Variants in ECE1 observed in about 807,000 individuals in gnomAD.
ECE1 encodes the protein endothelin converting enzyme 1.
Under a neutral mutation model 98.6 loss-of-function variants are expected in ECE1, and 35 were observed. That is an observed-to-expected ratio of 0.35 (90% confidence interval 0.27 to 0.47). The LOEUF (loss-of-function observed/expected upper bound fraction) is 0.47. ECE1 is among the 20% of genes least tolerant of loss of function. ECE1 has a pLI of 1.00. For synonymous variants in ECE1, 394 were observed against 407.1 expected (o/e 0.97, Z 0.39); for missense variants, 814 against 1,025.3 (o/e 0.79, Z 2.81).
chr1:21,300,992 TAGC>T (rs1299517172), intron 1 of ECE1, among the ~76,000 whole-genome samples: 1 of 152,194 alleles, frequency 6.6e-6, no homozygotes. Flanking sequence ...ACTTGCTCCC[TAGC>T]ACTCATGTCC....
intron 10 of ECE1, among the ~76,000 whole-genome samples, chr1:21,238,511 T>A (rs369023211): frequency 1.3e-5 from 2 of 152,188 alleles, no homozygotes; most frequent in African/African-American, 4.8e-5. Context: ...CCTCGGGGCT[T>A]ACAAGCCGTT....
Position 21,258,539 on chromosome 1 carries a change from C to G in ECE1, c.762+154G>C, listed in dbSNP as rs1290307161. Among the ~76,000 whole-genome samples the G allele has an allele frequency of 6.6e-6, 1 of 152,204 alleles. No individual in the cohort carries two copies. Among genetic ancestry groups the G allele is most frequent in the Non-Finnish European group, 1.5e-5 (1 of 68,048 alleles). On this transcript the variant is annotated intron_variant, in intron 6 of 18. Transcript: ENST00000374893. The surrounding 1 kb of genome is among the most constrained non-coding windows in gnomAD (Gnocchi z 4.2). The stretch of plus-strand genomic sequence containing the variant: ...AGGCCAGCAGCCTGCAAAGATCTCA[C>G]CAGTGGGGCCTCTGGAAATAACCCA...
At chr1:21,284,315 A>G (rs557619996) in intron 2 of ECE1, among the ~76,000 whole-genome samples, 116 of 152,320 alleles carry the variant, frequency 7.6e-4, no homozygotes, top group African/African-American at 2.7e-3. Context: ...AGCCCAGTCC[A>G]TCTCAGGAGA....
chr1:21,299,704 A>G (rs1638443013), intron 1 of ECE1: 1 of 152,246 alleles, frequency 6.6e-6, no homozygotes, highest in South Asian at 2.1e-4. Flanking sequence ...CAGTGTCCTC[A>G]TCTGTAAAAT....
rs1418775541 is a variant in ECE1, at chr1:21,322,805, G to T, written c.3+22571C>A. Among the ~76,000 whole-genome samples, 1 of 152,218 alleles carries T rather than the reference G, an allele frequency of 6.6e-6. No individual in the cohort carries two copies. Among genetic ancestry groups the T allele is most frequent in the African/African-American group, 2.4e-5 (1 of 41,458 alleles). On this transcript the variant is annotated intron_variant, in intron 1 of 18. Transcript: ENST00000415912. The surrounding 1 kb of genome is among the most constrained non-coding windows in gnomAD (Gnocchi z 4.1). ...TGAGAGAAAGAAACGGGGAGGCCGG[G>T]AAGGGAAGTGGGCATGGCCCCCGGA...
chr1:21,290,451 G>C lies in ECE1; in HGVS notation c.-37C>G. On this transcript the variant is annotated 5_prime_UTR_variant, in exon 1 of 19. Transcript: ENST00000374893. This position sits in a 1 kb window ranked among gnomAD's most constrained non-coding sequence, Gnocchi z 7.3. The stretch of plus-strand genomic sequence containing the variant: ...GACGCCTGGTCCCGCTGCCCGGGTG[G>C]CCGGGATGGGATGGGCCGGGCCAGG... The C allele has an allele frequency of 8.1e-7, 1 of 1,228,890 alleles. No individual in the cohort carries two copies. Among genetic ancestry groups the C allele is most frequent in the African/African-American group, 1.6e-5 (1 of 64,270 alleles). 76.1% of individuals were successfully genotyped at this position (1,228,890 alleles called of 1,614,324 possible). A position where few individuals can be genotyped will look rare whatever the true frequency, so the allele number is the denominator to read the frequency against.
intron 11 of ECE1, among the ~76,000 whole-genome samples, chr1:21,237,192 C>G (rs989700385): frequency 6.6e-5 from 10 of 152,180 alleles, no homozygotes; most frequent in African/African-American, 2.4e-4. Context: ...CCTCTCCCAG[C>G]CTTATTGCCT....
chr1:21,313,546 T>C lies in ECE1; in HGVS notation c.4-23390A>G, dbSNP rs145368932. On this transcript the variant is annotated intron_variant, in intron 1 of 18. Coordinates refer to the ECE1 transcript ENST00000415912. ...CGGGGATGAGAACTAGGGAGAGGAA[T>C]ACATGATGCAGGTGGGAGTGGGGGA... 2.2e-3 allele frequency among the ~76,000 whole-genome samples: 332 copies of C among 151,690 alleles called. 1 individual carries two copies. Among genetic ancestry groups the C allele is most frequent in the African/African-American group, 7.8e-3 (319 of 41,066 alleles).
intron 1 of ECE1, among the ~76,000 whole-genome samples, chr1:21,300,467 C>T (rs1193625119): frequency 2.0e-5 from 3 of 151,904 alleles, no homozygotes; most frequent in Non-Finnish European, 4.4e-5. Flanking sequence ...CAGAGTCTTG[C>T]TCTGTTGCCC....
At chr1:21,331,868 C>A (rs35338040) in intron 1 of ECE1, among the ~76,000 whole-genome samples, 10,923 of 152,202 alleles carry the variant, frequency 0.072, 495 homozygotes, top group Middle Eastern at 0.12. Flanking sequence ...ACACCGCGGG[C>A]AGGAAAGAAT....
intron 1 of ECE1, among the ~76,000 whole-genome samples, chr1:21,331,798 TACCTGGC>T (rs1202359433): frequency 1.3e-5 from 2 of 152,164 alleles, no homozygotes; most frequent in Non-Finnish European, 2.9e-5. Flanking sequence ...TTTAGTGCTG[TACCTGGC>T]ACACAGCAAA....
intron 3 of ECE1, 66 bp from the exon 4 acceptor site, chr1:21,272,977 G>T: frequency 3.2e-6 from 5 of 1,578,480 alleles, no homozygotes; most frequent in Non-Finnish European, 3.5e-6. Flanking sequence ...GGGCAGAGAA[G>T]GGGGCTTGGG....
At chr1:21,277,492 G>T (rs2098248882) in intron 3 of ECE1, among the ~76,000 whole-genome samples, 1 of 152,190 alleles carries the variant, frequency 6.6e-6, no homozygotes, top group Non-Finnish European at 1.5e-5. Flanking sequence ...TTCAGAACTA[G>T]AGCTGATTTA....
At chr1:21,304,571 G>A (rs1014214661) in intron 1 of ECE1, among the ~76,000 whole-genome samples, 2 of 152,124 alleles carry the variant, frequency 1.3e-5, no homozygotes, top group African/African-American at 2.4e-5. Context: ...GGTCAAAAGT[G>A]AAATGATTTA....
At chr1:21,272,253 A>T (rs2098241042) in intron 4 of ECE1, among the ~76,000 whole-genome samples, 1 of 152,136 alleles carries the variant, frequency 6.6e-6, no homozygotes, top group East Asian at 1.9e-4. Flanking sequence ...ACCCAGCTTC[A>T]CCTACTCCCA....
intron 8 of ECE1, among the ~76,000 whole-genome samples, chr1:21,253,905 C>T (rs1558389381): frequency 6.7e-6 from 1 of 149,644 alleles, no homozygotes; most frequent in East Asian, 2.0e-4. Flanking sequence ...CCCGACTCTA[C>T]TAAAAATACA....
At chr1:21,324,219 C>A (rs1639027846) in intron 1 of ECE1, among the ~76,000 whole-genome samples, 1 of 152,204 alleles carries the variant, frequency 6.6e-6, no homozygotes, top group African/African-American at 2.4e-5. Flanking sequence ...CTCATGCAGC[C>A]TTGACCTCCT....
Position 21,290,179 on chromosome 1 carries a change from G to T in ECE1, c.52-23C>A. On this transcript the variant is annotated intron_variant, in intron 1 of 18. Coordinates refer to ENST00000374893, the MANE Select transcript of ECE1 (RefSeq NM_001397.3). This position sits in a 1 kb window ranked among gnomAD's most constrained non-coding sequence, Gnocchi z 7.3. ...CATCTGCAAGGCCAAATGCAGCACG[G>T]ACTCCCTCAGCGCCTCCATGGCTCT... 6.5e-7 allele frequency: 1 copy of T among 1,535,772 alleles called. No individual in the cohort carries two copies. The highest frequency in any genetic ancestry group is 1.4e-5 in the African/African-American group (1 of 70,586).
chr1:21,230,703 A>G (rs757640566), intron 14 of ECE1, among the ~76,000 whole-genome samples: 11 of 152,040 alleles, frequency 7.2e-5, no homozygotes, highest in South Asian at 2.1e-4. Flanking sequence ...CTTTCTATAT[A>G]TAAAAACAAC....
Sources: allele counts gnomAD v4.1 joint callset (sites outside exome capture counted in the v4.1 genomes callset), GRCh38; gene constraint gnomAD v4.1.1; non-coding constraint Gnocchi (gnomAD v3.1); transcripts MANE v1.5; gene names NCBI Gene and HGNC (gene_info 2026-07-23, HGNC 2026-07-21).